The following HMGCLL1 variants were observed in gnomAD, a reference collection of about 807,000 sequenced individuals.
HMGCLL1 encodes the protein 3-hydroxy-3-methylglutaryl-CoA lyase like 1.
Under a neutral mutation model 39.1 loss-of-function variants are expected in HMGCLL1, and 36 were observed. The ratio of observed to expected loss-of-function variants is 0.92; its 90% CI spans 0.71 to 1.22. The LOEUF (loss-of-function observed/expected upper bound fraction) is 1.22. Among genes scored for constraint, HMGCLL1 ranks in the 50% most tolerant of loss-of-function variants. HMGCLL1 has a pLI of 0.00. For missense variants in HMGCLL1, 451 were observed against 416.5 expected, an observed-to-expected ratio of 1.08 and a Z score of -0.72; for synonymous variants, 149 against 144.0, an observed-to-expected ratio of 1.03 and a Z score of -0.25.
the HMGCLL1 span, among the ~76,000 whole-genome samples, chr6:55,655,542 A>AGATAGATAGATAGATAGAT: frequency 1.3e-5 from 2 of 150,880 alleles, no homozygotes; most frequent in African/African-American, 4.9e-5. Context: ...ATTGGTAGAT[A>AGATAGATAGATAGATAGAT]GATAGATAGA....
At chr6:55,445,966 C>T (rs966034994) in intron 7 of HMGCLL1, among the ~76,000 whole-genome samples, 1 of 151,916 alleles carries the variant, frequency 6.6e-6, no homozygotes, top group Non-Finnish European at 1.5e-5. Flanking sequence ...TAAGGACACT[C>T]TTACTAAAGG....
At chr6:55,567,542 T>C (rs1040640578) in intron 1 of HMGCLL1, among the ~76,000 whole-genome samples, 1 of 152,172 alleles carries the variant, frequency 6.6e-6, no homozygotes, top group African/African-American at 2.4e-5. Context: ...CAAAGATTAC[T>C]ATTGTTATCA....
At chr6:55,465,451 T>G (rs896910675) in intron 7 of HMGCLL1, among the ~76,000 whole-genome samples, 2 of 152,062 alleles carry the variant, frequency 1.3e-5, no homozygotes, top group Non-Finnish European at 2.9e-5. Context: ...TAATTATTTT[T>G]TATCATTTAT....
At chr6:55,542,710 C>T (rs542338941) in intron 1 of HMGCLL1, among the ~76,000 whole-genome samples, 268 of 150,354 alleles carry the variant, frequency 1.8e-3, no homozygotes, top group Non-Finnish European at 3.4e-3. Flanking sequence ...ACCCAGGAGG[C>T]GGAGGTTGCA....
the HMGCLL1 span, among the ~76,000 whole-genome samples, chr6:55,657,274 C>T: frequency 6.6e-6 from 1 of 151,876 alleles, no homozygotes; most frequent in Non-Finnish European, 1.5e-5. Flanking sequence ...AAAACTTTGC[C>T]CATGCCTATG....
rs148091085 is a variant in HMGCLL1, at chr6:55,505,928, G to C, written c.543-6629C>G. ...CGTAAAATATTTAAACATATGTGGG[G>C]CTAGACATTTGCTTAAAATTTTGTA... On this transcript the variant is annotated intron_variant, in intron 5 of 8. Transcript: ENST00000274901. Among the ~76,000 whole-genome samples, 485 of 151,784 alleles carry C rather than the reference G, an allele frequency of 3.2e-3. 5 individuals carry two copies. The highest frequency in any genetic ancestry group is 0.011 in the African/African-American group (449 of 41,474).
intron 7 of HMGCLL1, among the ~76,000 whole-genome samples, chr6:55,476,660 G>A (rs1053527789): frequency 2.0e-4 from 31 of 151,574 alleles, no homozygotes; most frequent in African/African-American, 7.5e-4. Flanking sequence ...TTATTAATGT[G>A]GTAATTCTAT....
intron 3 of HMGCLL1, among the ~76,000 whole-genome samples, chr6:55,540,870 A>G (rs2127456224): frequency 6.6e-6 from 1 of 152,262 alleles, no homozygotes; most frequent in East Asian, 1.9e-4. Context: ...AAGAGAGGAT[A>G]GGCAGAGAAA....
intron 3 of HMGCLL1, among the ~76,000 whole-genome samples, chr6:55,533,002 G>A (rs9396103): frequency 0.21 from 31,561 of 150,974 alleles, 3,393 homozygotes; most frequent in Admixed American, 0.26. Flanking sequence ...TTGTACAGTG[G>A]AACAGCTTTA....
the HMGCLL1 span, among the ~76,000 whole-genome samples, chr6:55,602,616 T>C: frequency 6.6e-6 from 1 of 152,102 alleles, no homozygotes; most frequent in East Asian, 1.9e-4. Flanking sequence ...GCAGTGGCAC[T>C]TCGATATTTT....
the HMGCLL1 span, among the ~76,000 whole-genome samples, chr6:55,635,802 A>T: frequency 6.6e-6 from 1 of 152,194 alleles, no homozygotes; most frequent in African/African-American, 2.4e-5. Context: ...AGCCCTATTG[A>T]TGCTGGCCAT....
intron 4 of HMGCLL1, among the ~76,000 whole-genome samples, chr6:55,515,168 G>C (rs1019832928): frequency 1.3e-5 from 2 of 151,338 alleles, no homozygotes; most frequent in African/African-American, 4.9e-5. Context: ...CAGGAGAATC[G>C]CTTGAACCTG....
At chr6:55,502,839 T>C (rs9370434) in intron 5 of HMGCLL1, among the ~76,000 whole-genome samples, 102,190 of 151,282 alleles carry the variant, frequency 0.68, 34,550 homozygotes, top group Non-Finnish European at 0.7. Context: ...GAATTTTATT[T>C]TTCTCATCCA....
chr6:55,638,088 T>A, the HMGCLL1 span, among the ~76,000 whole-genome samples: 2 of 152,044 alleles, frequency 1.3e-5, no homozygotes, highest in Non-Finnish European at 2.9e-5. Context: ...TAAACCAAAC[T>A]GGCAGAATAG....
chr6:55,449,568 A>G (rs1470534536), intron 7 of HMGCLL1, among the ~76,000 whole-genome samples: 1 of 152,220 alleles, frequency 6.6e-6, no homozygotes, highest in East Asian at 1.9e-4. Flanking sequence ...TGGAACGGAT[A>G]TACCAATTGA....
chr6:55,556,681 G>T (rs1770691648), intron 1 of HMGCLL1, among the ~76,000 whole-genome samples: 1 of 152,062 alleles, frequency 6.6e-6, no homozygotes. Context: ...AGAATAGACT[G>T]AAAAATGCCA....
chr6:55,502,246 G>T (rs1766928306), intron 5 of HMGCLL1, among the ~76,000 whole-genome samples: 1 of 151,562 alleles, frequency 6.6e-6, no homozygotes, highest in Admixed American at 6.6e-5. Flanking sequence ...TTGCTGATAG[G>T]AATTTTACTG....
At chr6:55,629,073 C>T in the HMGCLL1 span, among the ~76,000 whole-genome samples, 1 of 152,224 alleles carries the variant, frequency 6.6e-6, no homozygotes, top group East Asian at 1.9e-4. Context: ...AACTGGGTAA[C>T]AGGCAGGGGT....
At chr6:55,597,705 G>T in the HMGCLL1 span, among the ~76,000 whole-genome samples, 1 of 152,170 alleles carries the variant, frequency 6.6e-6, no homozygotes, top group South Asian at 2.1e-4. Context: ...AAAGCTAAGG[G>T]CTTAAAGTTC....
Sources: gnomAD v4.1 joint callset for allele counts (sites outside exome capture counted in the v4.1 genomes callset) on GRCh38, gnomAD v4.1.1 for gene constraint, MANE v1.5 for transcripts, NCBI Gene and HGNC (gene_info 2026-07-23, HGNC 2026-07-21) for gene names.